SPRY3: variants seen among roughly 807,000 people sequenced by gnomAD.
The protein encoded by SPRY3 is sprouty RTK signaling antagonist 3.
SPRY3 carries 15 observed loss-of-function variants against 20.2 expected under a neutral mutation model. The observed-to-expected ratio is 0.74, with a 90% CI of 0.50 to 1.14. The LOEUF (loss-of-function observed/expected upper bound fraction) is 1.14, where lower values mean the gene tolerates loss of function less well. Ranked by LOEUF, SPRY3 falls within the 50% of genes most tolerant of loss-of-function variation. The probability of loss-of-function intolerance (pLI) is 0.00; values close to 1 mark genes in which losing one functional copy is unlikely to be tolerated. For missense variants in SPRY3, 364 were observed against 363.9 expected (o/e 1.00, Z 0.00); for synonymous variants, 143 against 136.5 (o/e 1.05, Z -0.33).
chrX:155,631,387 A>C (rs1396520309), intron 1 of SPRY3, among the ~76,000 whole-genome samples: 11 of 112,308 alleles, frequency 9.8e-5, no homozygotes, highest in Non-Finnish European at 1.7e-4. Context: ...GGCTATTGTG[A>C]ATAGTGCTGT....
At chrX:155,651,322 G>C (rs2067976861) in intron 1 of SPRY3, among the ~76,000 whole-genome samples, 1 of 111,434 alleles carries the variant, frequency 9.0e-6, no homozygotes, top group Admixed American at 9.5e-5. Context: ...GCCTCCCAAA[G>C]TGCTGGGATT....
chrX:155,677,363 ATCTG>A (rs2068061495), intron 2 of SPRY3, among the ~76,000 whole-genome samples: 1 of 111,604 alleles, frequency 9.0e-6, no homozygotes, highest in African/African-American at 3.3e-5. Flanking sequence ...CTCTCCTGGC[ATCTG>A]TCTGTTTTCT....
chrX:155,750,438 T>C (rs1341592816), intron 2 of SPRY3, among the ~76,000 whole-genome samples: 2 of 151,692 alleles, frequency 1.3e-5, no homozygotes, highest in South Asian at 2.1e-4. Flanking sequence ...GTTGAAATCA[T>C]TTAAAAAAAT....
intron 2 of SPRY3, among the ~76,000 whole-genome samples, chrX:155,731,798 A>G (rs954691154): frequency 6.6e-6 from 1 of 152,102 alleles, no homozygotes; most frequent in Non-Finnish European, 1.5e-5. Flanking sequence ...AAAGAGTTCC[A>G]ACAACTCTAT....
At chrX:155,743,365 G>A (rs1286916637) in intron 2 of SPRY3, among the ~76,000 whole-genome samples, 1 of 152,090 alleles carries the variant, frequency 6.6e-6, no homozygotes, top group Admixed American at 6.5e-5. Context: ...CATGCCAAGT[G>A]TCTCTCCTCC....
chrX:155,781,811 T>C (rs1203253076), exon 2 of SPRY3: 1 of 166,968 alleles, frequency 6.0e-6, no homozygotes, highest in Non-Finnish European at 1.5e-5. Flanking sequence ...TAGTCAATCT[T>C]TTAGGTATTG....
intron 2 of SPRY3, among the ~76,000 whole-genome samples, chrX:155,758,361 A>G (rs952699505): frequency 6.6e-6 from 1 of 152,212 alleles, no homozygotes; most frequent in East Asian, 1.9e-4. Context: ...AGTTTTCTCT[A>G]CATAGAACCA....
At chrX:155,714,840 C>A (rs2091010833) in intron 2 of SPRY3, among the ~76,000 whole-genome samples, 1 of 152,048 alleles carries the variant, frequency 6.6e-6, no homozygotes, top group Non-Finnish European at 1.5e-5. Context: ...GCAGAGGAGC[C>A]TCTCTCTGTG....
chrX:155,778,688 C>CA (rs2091444889), downstream of SPRY3: 1 of 167,056 alleles, frequency 6.0e-6, no homozygotes, highest in Admixed American at 6.6e-5. Flanking sequence ...ATTTTACCAA[C>CA]AGCTCCTTCA....
chrX:155,721,050 G>A (rs2091054142), intron 2 of SPRY3, among the ~76,000 whole-genome samples: 1 of 152,104 alleles, frequency 6.6e-6, no homozygotes, highest in South Asian at 2.1e-4. Flanking sequence ...ATAACACAGA[G>A]AAGGAATTCA....
chrX:155,695,750 C>T (rs1243541874), intron 2 of SPRY3, among the ~76,000 whole-genome samples: 1 of 110,478 alleles, frequency 9.1e-6, no homozygotes, highest in Non-Finnish European at 1.9e-5. Flanking sequence ...TCTCTTAAGC[C>T]CATCTAATGA....
intron 2 of SPRY3, among the ~76,000 whole-genome samples, chrX:155,767,184 A>G (rs758527344): frequency 5.3e-5 from 8 of 152,186 alleles, no homozygotes; most frequent in African/African-American, 1.9e-4. Flanking sequence ...CACTTCGCCA[A>G]GCATTAAGAG....
intron 1 of SPRY3, among the ~76,000 whole-genome samples, chrX:155,624,889 T>G (rs782041723): frequency 9.0e-6 from 1 of 111,570 alleles, no homozygotes; most frequent in African/African-American, 3.2e-5. Flanking sequence ...GAACACGGAA[T>G]AACAGATAGA....
intron 2 of SPRY3, among the ~76,000 whole-genome samples, chrX:155,725,735 G>C (rs2091092900): frequency 6.6e-6 from 1 of 152,032 alleles, no homozygotes; most frequent in Admixed American, 6.6e-5. Context: ...CTTGCTAGCG[G>C]TCTGTTGATT....
chrX:155,705,099 G>T (rs993932969), intron 2 of SPRY3, among the ~76,000 whole-genome samples: 7 of 151,250 alleles, frequency 4.6e-5, no homozygotes, highest in African/African-American at 9.7e-5. Flanking sequence ...AGCATAGGAA[G>T]GTAAAGTTAA....
chrX:155,714,890 C>T (rs2124546126), intron 2 of SPRY3, among the ~76,000 whole-genome samples: 1 of 152,156 alleles, frequency 6.6e-6, no homozygotes. Flanking sequence ...TCTGCCAGCC[C>T]ACCACCAATG....
At chrX:155,717,578 C>T (rs1392780061) in intron 2 of SPRY3, among the ~76,000 whole-genome samples, 2 of 151,906 alleles carry the variant, frequency 1.3e-5, no homozygotes, top group Non-Finnish European at 2.9e-5. Context: ...CCTGACAGGC[C>T]CCGGTGTGTG....
At chrX:155,707,496 T>G (rs2090960079) in intron 2 of SPRY3, among the ~76,000 whole-genome samples, 1 of 151,254 alleles carries the variant, frequency 6.6e-6, no homozygotes, top group Non-Finnish European at 1.5e-5. Flanking sequence ...CACACTGGTG[T>G]TGTTCAAGTT....
At chrX:155,771,652 C>T (rs2091382655) in intron 3 of SPRY3, among the ~76,000 whole-genome samples, 1 of 152,160 alleles carries the variant, frequency 6.6e-6, no homozygotes, top group South Asian at 2.1e-4. Context: ...ACATACCCTC[C>T]AAGCCAAATG....
Sources: gnomAD v4.1 joint callset for allele counts (sites outside exome capture counted in the v4.1 genomes callset) on GRCh38, gnomAD v4.1.1 for gene constraint, MANE v1.5 for transcripts, NCBI Gene and HGNC (gene_info 2026-07-23, HGNC 2026-07-21) for gene names.